The following TFAM variants were observed in gnomAD, a reference collection of about 807,000 sequenced individuals.
TFAM encodes the protein transcription factor A, mitochondrial.
TFAM carries 13 observed loss-of-function variants against 30.6 expected under a neutral mutation model. The observed-to-expected ratio is 0.42, with a 90% CI of 0.28 to 0.67. The LOEUF (loss-of-function observed/expected upper bound fraction) is 0.67, where lower values mean the gene tolerates loss of function less well. TFAM is among the 30% of genes least tolerant of loss of function. TFAM has a pLI of 0.21. For synonymous variants in TFAM, 106 were observed against 94.8 expected (o/e 1.12, Z -0.69); for missense variants, 231 against 293.7 (o/e 0.79, Z 1.56).
chr10:58,392,913 G>A (rs1840622635), intron 5 of TFAM, among the ~76,000 whole-genome samples: 1 of 151,894 alleles, frequency 6.6e-6, no homozygotes, highest in Non-Finnish European at 1.5e-5. Context: ...CTGAGCTCAG[G>A]TGATCCACCC....
intron 6 of TFAM, 27 bp from the exon 7 acceptor site, chr10:58,394,901 C>T (rs1220382361): frequency 6.3e-7 from 1 of 1,594,480 alleles, no homozygotes; most frequent in African/African-American, 1.3e-5. Context: ...ATAAGTAAAT[C>T]ATTTTAACAG....
chr10:58,388,810 A>C lies in TFAM; in HGVS notation c.432A>C (p.Thr144=), dbSNP rs78912196. Reference sequence around the variant, plus strand: ...AACATTTAAAAAGGAAAGCTATGACAAAAAAAAAAGTGAGTATCATTGAAA... The same window carrying C: ...AACATTTAAAAAGGAAAGCTATGACCAAAAAAAAAGTGAGTATCATTGAAA... ...MDKHLKRKAM[T]KKKELTLLGK... The change falls in exon 4 of 7, where the codon ACA becomes ACC. Residue 144 remains threonine (T), a synonymous_variant. Coordinates refer to ENST00000487519, the MANE Select transcript of TFAM (RefSeq NM_003201.3). The C allele has an allele frequency of 1.6e-5, 20 of 1,232,936 alleles. No individual in the cohort carries two copies. The highest frequency in any genetic ancestry group is 2.2e-5 in the Non-Finnish European group (20 of 902,788). The allele number at this position is 1,232,936 out of a possible 1,614,324, so 76.4% of individuals were successfully genotyped here. A position where few individuals can be genotyped will look rare whatever the true frequency, so the allele number is the denominator to read the frequency against.
In TFAM at chr10:58,386,328, T is replaced by A. The variant is rs1367434434; in HGVS notation, c.210T>A (p.Ala70=). The A allele has an allele frequency of 2.5e-6, 4 of 1,612,004 alleles. No individual in the cohort carries two copies. In the East Asian group the frequency reaches 8.9e-5, roughly 36 times the overall value. Residue 70 remains alanine (A), a synonymous_variant, in exon 2 of 7, where the codon GCT becomes GCA. Transcript: ENST00000487519. ...AAGAACAACTACCCATATTTAAAGC[T>A]CAGAACCCAGGTAAGGAGTTTTGGG... is the stretch of plus-strand genomic sequence containing the variant. ...FSKEQLPIFK[A]QNPDAKTTEL...
intron 5 of TFAM, among the ~76,000 whole-genome samples, chr10:58,391,507 T>C (rs571985933): frequency 2.0e-5 from 3 of 152,304 alleles, no homozygotes; most frequent in South Asian, 2.1e-4. Flanking sequence ...TTATTATATC[T>C]GTAGTTCACT....
chr10:58,385,432 C>A lies in TFAM; in HGVS notation c.-116C>A. 1 of 742,288 alleles carries A rather than the reference C, an allele frequency of 1.3e-6. No homozygotes were observed. The highest frequency in any genetic ancestry group is 2.3e-6 in the Non-Finnish European group (1 of 431,366). The allele number at this position is 742,288 out of a possible 1,614,324, so 46.0% of individuals were successfully genotyped here. A position where few individuals can be genotyped will look rare whatever the true frequency, so the allele number is the denominator to read the frequency against. ...CCCATAGTGCCTCGCTAGTGGCGGG[C>A]ATGATAACACACGCCGGAGGGTCGC... On this transcript the variant is annotated 5_prime_UTR_variant, in exon 1 of 7. Transcript: ENST00000487519.
chr10:58,392,177 C>T (rs1402183582), intron 5 of TFAM, among the ~76,000 whole-genome samples: 1 of 152,052 alleles, frequency 6.6e-6, no homozygotes, highest in Non-Finnish European at 1.5e-5. Context: ...TAGCATCTTT[C>T]CCAGTAAAGG....
intron 2 of TFAM, 42 bp from the exon 3 acceptor site, chr10:58,388,148 G>A (rs757396766): frequency 1.3e-6 from 2 of 1,495,830 alleles, no homozygotes; most frequent in South Asian, 2.3e-5. Flanking sequence ...ATCCTGAGAG[G>A]TAAAATTGTG....
In TFAM at chr10:58,394,997, A is replaced by G; in HGVS notation, c.664A>G (p.Met222Val). 1 of 1,613,874 alleles carries G rather than the reference A, an allele frequency of 6.2e-7. No individual in the cohort carries two copies. Among genetic ancestry groups the G allele is most frequent in the South Asian group, 1.1e-5 (1 of 91,068 alleles). Residue 222 changes from methionine to valine, a missense_variant, in exon 7 of 7, where the codon ATG becomes GTG. Physicochemically the swap from Met to Val is conservative, Grantham distance 21. Transcript: ENST00000487519. ...TGAAATGAAGTCTTGGGAAGAACAA[A>G]TGATTGAAGTTGGACGAAAGGATCT... ...HNEMKSWEEQ[M>V]IEVGRKDLLR...
chr10:58,398,967 T>G lies in TFAM; in HGVS notation c.*3893T>G, dbSNP rs1030372752. ...AACTTCTGCAGAGTAAGAAAATGAA[T>G]ACATTTATTACTTTAAATTTGTAAA... is the stretch of plus-strand genomic sequence containing the variant. On this transcript the variant is annotated 3_prime_UTR_variant, in exon 7 of 7. Coordinates refer to ENST00000487519, the MANE Select transcript of TFAM (RefSeq NM_003201.3). The G allele has an allele frequency of 6.6e-6, 1 of 152,196 alleles. No individual in the cohort carries two copies. The highest frequency in any genetic ancestry group is 1.5e-5 in the Non-Finnish European group (1 of 68,032). The allele number at this position is 152,196 out of a possible 1,614,324, so 9.4% of individuals were successfully genotyped here.
intron 2 of TFAM, among the ~76,000 whole-genome samples, chr10:58,387,852 C>T (rs1035722961): frequency 6.6e-6 from 1 of 151,750 alleles, no homozygotes; most frequent in Non-Finnish European, 1.5e-5. Flanking sequence ...ATCACTTGAG[C>T]ACAGGAGGTG....
At chr10:58,388,464 G>A (rs909090180) in intron 3 of TFAM, among the ~76,000 whole-genome samples, 2 of 152,190 alleles carry the variant, frequency 1.3e-5, no homozygotes, top group African/African-American at 4.8e-5. Flanking sequence ...GTTTGAAAAT[G>A]GAAGCTGATT....
intron 2 of TFAM, chr10:58,386,693 C>T: frequency 8.8e-7 from 1 of 1,135,012 alleles, no homozygotes; most frequent in Non-Finnish European, 1.1e-6. Flanking sequence ...AAAGTTGCAA[C>T]TTCTGTGGAA....
At chr10:58,392,165 T>C (rs1467931619) in intron 5 of TFAM, among the ~76,000 whole-genome samples, 2 of 152,180 alleles carry the variant, frequency 1.3e-5, no homozygotes, top group East Asian at 3.9e-4. Flanking sequence ...CTGATTCTTG[T>C]ATAGCATCTT....
Position 58,395,961 on chromosome 10 carries a change from G to GT in TFAM, c.*890dup. 5.3e-6 allele frequency: 1 copy of GT among 187,820 alleles called. No individual in the cohort carries two copies. The highest frequency in any genetic ancestry group is 1.1e-5 in the Non-Finnish European group (1 of 92,236). 11.6% of individuals were successfully genotyped at this position (187,820 alleles called of 1,614,324 possible). ...CACTTTGCATAACGTATAAAAGCCT[G>GT]TTTAAGAGACAGCCAACTATGGCCT... On this transcript the variant is annotated 3_prime_UTR_variant, in exon 7 of 7. Transcript: ENST00000487519.
At chr10:58,386,373 G>A in intron 2 of TFAM, 35 bp downstream of exon 2, 1 of 1,443,694 alleles carries the variant, frequency 6.9e-7, no homozygotes. Flanking sequence ...CTTTTCTCAT[G>A]TAATAAAAAT....
intron 1 of TFAM, among the ~76,000 whole-genome samples, chr10:58,385,999 C>G (rs927546840): frequency 6.6e-6 from 1 of 152,184 alleles, no homozygotes; most frequent in African/African-American, 2.4e-5. Flanking sequence ...CTTTCCTTCA[C>G]TCCCTGCCCT....
chr10:58,387,639 C>G (rs913415406), intron 2 of TFAM, among the ~76,000 whole-genome samples: 8 of 152,118 alleles, frequency 5.3e-5, no homozygotes, highest in African/African-American at 1.7e-4. Context: ...GCTTCTTAAA[C>G]TAGTAATCAG....
At chr10:58,386,494 G>A (rs892356065) in intron 2 of TFAM, among the ~76,000 whole-genome samples, 156 bp downstream of exon 2, 5 of 152,250 alleles carry the variant, frequency 3.3e-5, no homozygotes, top group East Asian at 1.9e-4. Context: ...TATACCAAAT[G>A]GAAATGCTTT....
chr10:58,389,626 A>G (rs866188045), intron 4 of TFAM, among the ~76,000 whole-genome samples: 3 of 152,316 alleles, frequency 2.0e-5, no homozygotes, highest in African/African-American at 7.2e-5. Context: ...TGATGCCGCT[A>G]CTTTAGGGTG....
Sources: allele counts gnomAD v4.1 joint callset (sites outside exome capture counted in the v4.1 genomes callset), GRCh38; gene constraint gnomAD v4.1.1; transcripts MANE v1.5; gene names NCBI Gene and HGNC (gene_info 2026-07-23, HGNC 2026-07-21).